Variants in HS6ST2 observed in about 807,000 individuals in gnomAD.
The protein encoded by HS6ST2 is heparan-sulfate 6-O-sulfotransferase 2.
A neutral mutation model predicts 33.0 loss-of-function variants in HS6ST2; 17 were observed. That is an observed-to-expected ratio of 0.52 (90% CI 0.35 to 0.77). The LOEUF is 0.77. Among genes scored for constraint, HS6ST2 ranks in the 30% least tolerant of loss-of-function variants. The probability of loss-of-function intolerance (pLI) is 0.01; values close to 1 mark genes in which losing one functional copy is unlikely to be tolerated. For missense variants in HS6ST2, 519 were observed against 551.7 expected (o/e 0.94, Z 0.59); for synonymous variants, 248 against 237.1 (o/e 1.05, Z -0.42).
chrX:132,835,362 G>C (rs946131260), intron 2 of HS6ST2, among the ~76,000 whole-genome samples: 2 of 111,440 alleles, frequency 1.8e-5, no homozygotes, highest in Non-Finnish European at 3.8e-5. Flanking sequence ...AGAAGGAGGA[G>C]GACGGAGCAC....
intron 2 of HS6ST2, among the ~76,000 whole-genome samples, chrX:132,936,084 A>AC (rs2148490732): frequency 9.2e-6 from 1 of 109,103 alleles, no homozygotes; most frequent in Admixed American, 9.9e-5. Flanking sequence ...AAATTGATAA[A>AC]CAGAACTTAT....
intron 3 of HS6ST2, among the ~76,000 whole-genome samples, chrX:132,705,444 G>A (rs1436206055): frequency 2.7e-5 from 3 of 111,160 alleles, no homozygotes; most frequent in Non-Finnish European, 5.7e-5. Context: ...GAACTTGTGT[G>A]CCCAAATATG....
chrX:132,836,564 CAT>C (rs2065646254), intron 2 of HS6ST2, among the ~76,000 whole-genome samples: 1 of 112,690 alleles, frequency 8.9e-6, no homozygotes, highest in Non-Finnish European at 1.9e-5. Context: ...CCTCTCCTCT[CAT>C]AGTCCTTTGC....
chrX:132,754,384 G>T (rs1021579714), intron 2 of HS6ST2, among the ~76,000 whole-genome samples: 1 of 109,251 alleles, frequency 9.2e-6, no homozygotes, highest in African/African-American at 3.3e-5. Context: ...TTAATCCATG[G>T]TAAGGATACT....
At chrX:132,882,445 A>G (rs1200326049) in intron 2 of HS6ST2, among the ~76,000 whole-genome samples, 3 of 105,333 alleles carry the variant, frequency 2.8e-5, no homozygotes, top group Non-Finnish European at 5.9e-5. Flanking sequence ...TTGGTGTATA[A>G]GAATGCTTGT....
intron 2 of HS6ST2, among the ~76,000 whole-genome samples, chrX:132,811,526 AT>A (rs1338783852): frequency 9.4e-6 from 1 of 106,307 alleles, no homozygotes; most frequent in Non-Finnish European, 1.9e-5. Context: ...GGCTCTATGA[AT>A]ATGACTACTC....
intron 2 of HS6ST2, among the ~76,000 whole-genome samples, chrX:132,811,935 G>A (rs2065350147): frequency 9.4e-6 from 1 of 106,698 alleles, no homozygotes; most frequent in Non-Finnish European, 1.9e-5. Flanking sequence ...AGTTCTTTTG[G>A]TTCTGTATTC....
At position 132,958,579 on chromosome X, in the gene HS6ST2, G is replaced by T; in HGVS notation, c.24C>A (p.Val8=). ...GTTGCCGCGGCGGCTCGAACTCCCG[G>T]ACTGCACACGCAGGCAGTGCCATTC... MALPACA[V]REFEPPRQPE... The change falls in exon 1 of 5, where the codon GTC becomes GTA. Residue 8 remains valine (V), a synonymous_variant. Transcript: ENST00000370833. 1 of 1,179,855 alleles carries T rather than the reference G, an allele frequency of 8.5e-7. No individual in the cohort carries two copies. The highest frequency in any genetic ancestry group is 1.1e-6 in the Non-Finnish European group (1 of 879,480).
chrX:132,918,119 C>T (rs752277830), intron 2 of HS6ST2, among the ~76,000 whole-genome samples: 1 of 112,577 alleles, frequency 8.9e-6, no homozygotes, highest in African/African-American at 3.2e-5. Flanking sequence ...GTTCAGAGTC[C>T]ACATCAACTC....
intron 2 of HS6ST2, among the ~76,000 whole-genome samples, chrX:132,901,180 A>G (rs745716383): frequency 8.9e-6 from 1 of 111,878 alleles, no homozygotes; most frequent in African/African-American, 3.2e-5. Flanking sequence ...AGCCCCAGCC[A>G]ACATCTTGAT....
chrX:132,958,740 A>AC, upstream of HS6ST2: 1 of 577,848 alleles, frequency 1.7e-6, no homozygotes, highest in Non-Finnish European at 2.6e-6. Flanking sequence ...TACGGAGGTC[A>AC]CTCCGCTTAG....
rs769832199 is a variant in HS6ST2, at chrX:132,779,542, CTT to C, written c.948-71050_948-71049del. 5.4e-5 allele frequency among the ~76,000 whole-genome samples: 6 copies of C among 110,245 alleles called. No individual in the cohort carries two copies. In the South Asian group the frequency reaches 1.6e-3, roughly 29 times the overall value. ...ATTAAGACATGAGCTGCAAAATAAA[CTT>C]AAGAGAAAAGAATGCAAAGCTTCTC... On this transcript the variant is annotated intron_variant, in intron 2 of 4. Transcript: ENST00000370833.
intron 4 of HS6ST2, among the ~76,000 whole-genome samples, chrX:132,656,515 T>C (rs1470809680): frequency 9.0e-6 from 1 of 111,630 alleles, no homozygotes; most frequent in Non-Finnish European, 1.9e-5. Flanking sequence ...ATGGATGAAT[T>C]ACACAGTGGT....
In HS6ST2 at chrX:132,680,235, C is replaced by T. The variant is rs1447161225; in HGVS notation, c.981-11036G>A. Among the ~76,000 whole-genome samples, 3 of 110,762 alleles carry T rather than the reference C, an allele frequency of 2.7e-5. No homozygotes were observed. In the Admixed American group the frequency reaches 2.9e-4, roughly 11 times the overall value. On this transcript the variant is annotated intron_variant, in intron 3 of 4. Coordinates refer to ENST00000370833, the MANE Select transcript of HS6ST2 (RefSeq NM_001394073.1). ...ATTAATTTGGGGAACTAATAAATGTCCAAGAAATCTTCACAATCCACGTTC... is the reference window on the plus strand; with the variant it reads ...ATTAATTTGGGGAACTAATAAATGTTCAAGAAATCTTCACAATCCACGTTC...
intron 2 of HS6ST2, among the ~76,000 whole-genome samples, chrX:132,736,821 C>T (rs1313029935): frequency 2.7e-5 from 3 of 111,786 alleles, no homozygotes; most frequent in African/African-American, 9.8e-5. Context: ...TATATAAATA[C>T]GAGATTCCTC....
chrX:132,877,607 G>A (rs987968146), intron 2 of HS6ST2, among the ~76,000 whole-genome samples: 8 of 111,144 alleles, frequency 7.2e-5, no homozygotes, highest in African/African-American at 2.6e-4. Flanking sequence ...AATGAATGCT[G>A]CCCAAAAGGA....
chrX:132,685,123 GCAAA>G (rs1354815714), intron 3 of HS6ST2, among the ~76,000 whole-genome samples: 1 of 111,674 alleles, frequency 9.0e-6, no homozygotes, highest in African/African-American at 3.3e-5. Flanking sequence ...AGGTACCAGA[GCAAA>G]CAGAGGCTCC....
intron 2 of HS6ST2, among the ~76,000 whole-genome samples, chrX:132,759,898 A>G (rs1001160048): frequency 1.8e-5 from 2 of 111,853 alleles, no homozygotes; most frequent in African/African-American, 3.2e-5. Flanking sequence ...ATCCCCACAC[A>G]ACAATCCTAT....
In HS6ST2 at chrX:132,776,656, C is replaced by G. The variant is rs537597681; in HGVS notation, c.948-68162G>C. 2.1e-3 allele frequency among the ~76,000 whole-genome samples: 229 copies of G among 110,832 alleles called. 1 individual carries two copies. The highest frequency in any genetic ancestry group is 7.0e-3 in the African/African-American group (214 of 30,392). On this transcript the variant is annotated intron_variant, in intron 2 of 4. Coordinates refer to ENST00000370833, the MANE Select transcript of HS6ST2 (RefSeq NM_001394073.1). ...TCCAAACCCCCCCTGCATCCTGCCG[C>G]TCTTTTAAACTGACATTGTGGCAAC...
Sources: gnomAD v4.1 joint callset for allele counts (sites outside exome capture counted in the v4.1 genomes callset) on GRCh38, gnomAD v4.1.1 for gene constraint, MANE v1.5 for transcripts, NCBI Gene and HGNC (gene_info 2026-07-23, HGNC 2026-07-21) for gene names.